The following CLEC16A variants were observed in gnomAD, a reference collection of about 807,000 sequenced individuals.
CLEC16A encodes C-type lectin domain containing 16A.
A neutral mutation model predicts 109.5 loss-of-function variants in CLEC16A; 51 were observed. That is an observed-to-expected ratio of 0.47 (90% CI 0.37 to 0.59). CLEC16A has a LOEUF of 0.59. CLEC16A is among the 20% of genes least tolerant of loss of function. CLEC16A has a pLI of 0.00. For synonymous variants in CLEC16A, 673 were observed against 564.2 expected, an observed-to-expected ratio of 1.19 and a Z score of -2.73; for missense variants, 1,339 against 1,394.0, an observed-to-expected ratio of 0.96 and a Z score of 0.63.
chr16:10,951,096 G>C (rs9926229), intron 1 of CLEC16A, among the ~76,000 whole-genome samples: 2,109 of 152,286 alleles, frequency 0.014, 33 homozygotes, highest in African/African-American at 0.047. Flanking sequence ...TCTTGAGAAA[G>C]CAGAGGCTAT....
intron 19 of CLEC16A, among the ~76,000 whole-genome samples, chr16:11,072,664 C>G (rs1053090697): frequency 1.3e-5 from 2 of 152,156 alleles, no homozygotes; most frequent in Non-Finnish European, 2.9e-5. Flanking sequence ...CTAATAGTGC[C>G]TACCTCAGGA....
chr16:11,012,280 T>A (rs1025987138), intron 11 of CLEC16A, among the ~76,000 whole-genome samples: 3 of 152,172 alleles, frequency 2.0e-5, no homozygotes, highest in African/African-American at 7.2e-5. Context: ...TTGAAATAAA[T>A]GTGAGCTGTA....
At chr16:10,992,942 T>C (rs1417091327) in intron 10 of CLEC16A, among the ~76,000 whole-genome samples, 1 of 151,294 alleles carries the variant, frequency 6.6e-6, no homozygotes, top group African/African-American at 2.4e-5. Flanking sequence ...CTGCTGAGAG[T>C]TGAGGGGTTG....
In CLEC16A at chr16:11,094,522, T is replaced by C. The variant is rs375256008; in HGVS notation, c.2117-26093T>C. ...CCACACAAGGCCTTGCCTCTGAAGTTTGAAGCATTTACAGGCACCACCTCC... is the reference window on the plus strand; with the variant it reads ...CCACACAAGGCCTTGCCTCTGAAGTCTGAAGCATTTACAGGCACCACCTCC... On this transcript the variant is annotated intron_variant, in intron 19 of 23. Transcript: ENST00000409790. Among the ~76,000 whole-genome samples, 13 of 152,302 alleles carry C rather than the reference T, an allele frequency of 8.5e-5. No individual in the cohort carries two copies. In the South Asian group the frequency reaches 1.4e-3, roughly 17 times the overall value.
chr16:11,052,888 TTG>T (rs2048024266), intron 18 of CLEC16A, among the ~76,000 whole-genome samples: 2 of 41,936 alleles, frequency 4.8e-5, no homozygotes, highest in African/African-American at 4.6e-4. Context: ...TGCCTTTTTG[TTG>T]TTGTTGTTGT....
chr16:11,138,400 G>A (rs1027390470), intron 22 of CLEC16A, among the ~76,000 whole-genome samples: 3 of 152,194 alleles, frequency 2.0e-5, no homozygotes, highest in South Asian at 2.1e-4. Flanking sequence ...CCCATGGTTC[G>A]AATTTTATCC....
intron 23 of CLEC16A, among the ~76,000 whole-genome samples, chr16:11,168,061 C>T (rs540939906): frequency 6.6e-6 from 1 of 152,286 alleles, no homozygotes; most frequent in South Asian, 2.1e-4. Flanking sequence ...GTACAGCCAA[C>T]AGCTAAGTGA....
chr16:10,971,968 T>C (rs2042811706), intron 5 of CLEC16A, among the ~76,000 whole-genome samples: 1 of 152,112 alleles, frequency 6.6e-6, no homozygotes, highest in Non-Finnish European at 1.5e-5. Context: ...CTAATGAGGG[T>C]GGGGGCTTCT....
In CLEC16A at chr16:11,109,676, C is replaced by G. The variant is rs374677627; in HGVS notation, c.2117-10939C>G. ...TGGAGGGGCCAAGACCACAGCCCCT[C>G]CCTCACACGTGCAGCCACGGGCCCT... On this transcript the variant is annotated intron_variant, in intron 19 of 23. Transcript: ENST00000409790. 3.2e-4 allele frequency among the ~76,000 whole-genome samples: 48 copies of G among 152,306 alleles called. 1 individual carries two copies. The East Asian group carries it at 7.5e-3, about 24-fold the overall frequency.
intron 22 of CLEC16A, among the ~76,000 whole-genome samples, chr16:11,154,019 C>G (rs572247138): frequency 1.3e-5 from 2 of 152,148 alleles, no homozygotes; most frequent in South Asian, 2.1e-4. Context: ...TTGAAGCTAC[C>G]GATTTTGGAA....
At chr16:11,170,606 C>G (rs1163606251) in intron 23 of CLEC16A, among the ~76,000 whole-genome samples, 1 of 152,192 alleles carries the variant, frequency 6.6e-6, no homozygotes, top group Non-Finnish European at 1.5e-5. Context: ...CTCCACCCGC[C>G]CGGCCCACAC....
At chr16:11,002,957 T>C (rs2044755924) in intron 10 of CLEC16A, 117 bp from the exon 11 acceptor site, 12 of 734,756 alleles carry the variant, frequency 1.6e-5, no homozygotes, top group Non-Finnish European at 2.6e-5. Flanking sequence ...TATCTTATGA[T>C]ATAATGGTTT....
intron 19 of CLEC16A, among the ~76,000 whole-genome samples, chr16:11,117,638 A>C (rs947009388): frequency 1.3e-5 from 2 of 152,204 alleles, no homozygotes; most frequent in African/African-American, 4.8e-5. Flanking sequence ...TAAAAATGAA[A>C]GTTCTCCCCT....
intron 11 of CLEC16A, among the ~76,000 whole-genome samples, chr16:11,012,225 A>G (rs1411272921): frequency 6.6e-6 from 1 of 152,252 alleles, no homozygotes; most frequent in African/African-American, 2.4e-5. Flanking sequence ...ACGAAAACAT[A>G]TCTAACTTCT....
At chr16:11,081,682 C>T (rs1406677992) in intron 19 of CLEC16A, among the ~76,000 whole-genome samples, 1 of 152,136 alleles carries the variant, frequency 6.6e-6, no homozygotes, top group Non-Finnish European at 1.5e-5. Flanking sequence ...TAGGGGTTCT[C>T]TCCAGCCAAT....
intron 1 of CLEC16A, among the ~76,000 whole-genome samples, chr16:10,946,402 G>A (rs956019060): frequency 1.3e-5 from 2 of 152,174 alleles, no homozygotes; most frequent in African/African-American, 2.4e-5. Context: ...TGAAGAGTGG[G>A]GAGCAGGAGG....
chr16:10,947,001 C>T (rs949902302), intron 1 of CLEC16A, among the ~76,000 whole-genome samples: 6 of 152,236 alleles, frequency 3.9e-5, no homozygotes, highest in African/African-American at 1.4e-4. Flanking sequence ...GTCTCATCGC[C>T]AATGGGGCAT....
chr16:11,046,264 C>T (rs1162637387), intron 16 of CLEC16A, among the ~76,000 whole-genome samples: 4 of 152,120 alleles, frequency 2.6e-5, no homozygotes, highest in African/African-American at 9.7e-5. Context: ...TTCTGGATCC[C>T]TTCTCCCAAC....
At chr16:11,011,028 G>C (rs1480635132) in intron 11 of CLEC16A, among the ~76,000 whole-genome samples, 1 of 152,208 alleles carries the variant, frequency 6.6e-6, no homozygotes, top group African/African-American at 2.4e-5. Context: ...ATGTCCTTCT[G>C]TCCCTCTTGG....
Sources: allele counts gnomAD v4.1 joint callset (sites outside exome capture counted in the v4.1 genomes callset), GRCh38; gene constraint gnomAD v4.1.1; transcripts MANE v1.5; gene names NCBI Gene and HGNC (gene_info 2026-07-23, HGNC 2026-07-21).